The following PPP2R5C variants were observed in gnomAD, a reference collection of about 807,000 sequenced individuals.
PPP2R5C encodes the protein serine/threonine-protein phosphatase 2A 56 kDa regulatory subunit gamma isoform.
A neutral mutation model predicts 68.9 loss-of-function variants in PPP2R5C; 7 were observed. The observed-to-expected ratio is 0.10, with a 90% CI of 0.06 to 0.19. The LOEUF (loss-of-function observed/expected upper bound fraction) is 0.19. Ranked by LOEUF, PPP2R5C falls within the 10% of genes least tolerant of loss-of-function variation. The pLI is 1.00. For synonymous variants in PPP2R5C, 210 were observed against 222.2 expected (o/e 0.95, Z 0.49); for missense variants, 348 against 641.3 (o/e 0.54, Z 4.94).
chr14:101,862,592 C>T (rs1346431744), intron 2 of PPP2R5C, among the ~76,000 whole-genome samples: 1 of 152,142 alleles, frequency 6.6e-6, no homozygotes, highest in Admixed American at 6.5e-5. Context: ...ATAGATACTC[C>T]TCCCTTGTCA....
intron 1 of PPP2R5C, among the ~76,000 whole-genome samples, chr14:101,850,014 C>T (rs1422612049): frequency 1.3e-5 from 2 of 152,204 alleles, no homozygotes; most frequent in African/African-American, 2.4e-5. Context: ...TTCAGTTCCA[C>T]AGAAGTGTGT....
chr14:101,856,912 G>A (rs963643353), intron 2 of PPP2R5C, 27 bp downstream of exon 4: 1 of 1,599,768 alleles, frequency 6.3e-7, no homozygotes. Flanking sequence ...TAACCAGTGT[G>A]TCCCAGTTCT....
intron 1 of PPP2R5C, among the ~76,000 whole-genome samples, chr14:101,762,350 C>T (rs938964981): frequency 5.9e-5 from 9 of 152,084 alleles, no homozygotes; most frequent in East Asian, 1.9e-4. Context: ...TGGGGAGGGA[C>T]CCCTGTACGG....
rs75914491 is a variant in PPP2R5C at position 101,816,307 on chromosome 14, A to C, written c.94+6271A>C. Among the ~76,000 whole-genome samples, 280 of 152,300 alleles carry C rather than the reference A, an allele frequency of 1.8e-3. 1 individual carries two copies. The highest frequency in any genetic ancestry group is 6.4e-3 in the African/African-American group (266 of 41,558). On this transcript the variant is annotated intron_variant, in intron 1 of 13. Transcript: ENST00000334743. ...CGCCAAGTGGTCTAAACGTGGGATA[A>C]ATCATTTCTCTCACTCACATCTTGG...
At position 101,903,584 on chromosome 14, in the gene PPP2R5C, T is replaced by A. The variant is rs920673450; in HGVS notation, c.1023+1695T>A. Among the ~76,000 whole-genome samples the A allele has an allele frequency of 5.9e-5, 9 of 152,344 alleles. No individual in the cohort carries two copies. The South Asian group carries it at 1.7e-3, about 28-fold the overall frequency. ...TCCCCCACGCACGCTTGCGCCCATC[T>A]TGGCTTCTGCTTCTTAGAGGACCTG... On this transcript the variant is annotated intron_variant, in intron 9 of 13. Coordinates refer to ENST00000334743, the Ensembl canonical transcript of PPP2R5C.
intron 1 of PPP2R5C, chr14:101,836,277 C>A (rs1419501224): frequency 1.4e-6 from 1 of 702,834 alleles, no homozygotes; most frequent in Non-Finnish European, 2.6e-6. Context: ...CATGGAGAAC[C>A]CCGCGGCCCC....
At chr14:101,900,696 A>T (rs890354095) in intron 8 of PPP2R5C, among the ~76,000 whole-genome samples, 1 of 152,274 alleles carries the variant, frequency 6.6e-6, no homozygotes, top group Non-Finnish European at 1.5e-5. Context: ...TTTGGAAACT[A>T]CAGGAACATA....
In PPP2R5C at chr14:101,812,429, G is replaced by A. The variant is rs568600858; in HGVS notation, c.94+2393G>A. Among the ~76,000 whole-genome samples, 3 of 152,282 alleles carry A rather than the reference G, an allele frequency of 2.0e-5. No homozygotes were observed. In the South Asian group the frequency reaches 6.2e-4, roughly 32 times the overall value. On this transcript the variant is annotated intron_variant, in intron 1 of 13. Transcript: ENST00000334743. ...GGGGTGGGCATGCGCTGTCCTTCCC[G>A]TTTATTTAGGAAGGAGGGGTCTTTC...
chr14:101,888,213 A>T lies in PPP2R5C; in HGVS notation c.630-2024A>T, dbSNP rs78415260. ...GAGAGGCCCAGATCACAGCTCTCCAAGGTCCATGCGAGAGGAATAGTAAAC... is the reference window on the plus strand; with the variant it reads ...GAGAGGCCCAGATCACAGCTCTCCATGGTCCATGCGAGAGGAATAGTAAAC... On this transcript the variant is annotated intron_variant, in intron 5 of 13. Coordinates refer to ENST00000334743, the Ensembl canonical transcript of PPP2R5C. This position sits in a 1 kb window ranked among gnomAD's most constrained non-coding sequence, Gnocchi z 5.6. 5.2e-3 allele frequency among the ~76,000 whole-genome samples: 793 copies of T among 152,154 alleles called. 7 individuals are homozygous for T. The highest frequency in any genetic ancestry group is 0.019 in the African/African-American group (773 of 41,498).
At chr14:101,760,770 G>A (rs1298629653), upstream of PPP2R5C, 5 of 765,304 alleles carry the variant, frequency 6.5e-6, no homozygotes, top group African/African-American at 3.9e-5. Flanking sequence ...GTCGAGGGGA[G>A]GGGCTGGCCG....
At chr14:101,800,630 G>A (rs1289591121) in intron 3 of PPP2R5C, among the ~76,000 whole-genome samples, 1 of 148,754 alleles carries the variant, frequency 6.7e-6, no homozygotes, top group East Asian at 2.0e-4. Flanking sequence ...TGAAAGTAAT[G>A]TATGCTTGTT....
At chr14:101,914,386 C>T (rs1477517920) in intron 12 of PPP2R5C, 1 of 261,382 alleles carries the variant, frequency 3.8e-6, no homozygotes, top group Non-Finnish European at 7.7e-6. Flanking sequence ...GTACTTGCTT[C>T]TCATTCTCAG....
chr14:101,910,734 G>A lies in PPP2R5C; in HGVS notation c.1253+1044G>A, dbSNP rs568333913. On this transcript the variant is annotated intron_variant, in intron 11 of 13. Coordinates refer to ENST00000334743, the Ensembl canonical transcript of PPP2R5C. ...TGTAATCCCAGCGCTTTGGGAGGCC[G>A]ATGCAGGCAGATCACGAGGTCAGGA... 9.2e-4 allele frequency among the ~76,000 whole-genome samples: 138 copies of A among 149,478 alleles called. 1 individual carries two copies. The highest frequency in any genetic ancestry group is 3.3e-3 in the African/African-American group (134 of 40,514).
intron 3 of PPP2R5C, among the ~76,000 whole-genome samples, chr14:101,787,628 G>C (rs532477624): frequency 6.6e-6 from 1 of 151,990 alleles, no homozygotes; most frequent in Non-Finnish European, 1.5e-5. Context: ...TTAGCCAGGC[G>C]TGGTGGCGGG....
intron 11 of PPP2R5C, among the ~76,000 whole-genome samples, chr14:101,910,205 T>C (rs2040861220): frequency 1.3e-5 from 2 of 152,230 alleles, no homozygotes; most frequent in Non-Finnish European, 2.9e-5. Flanking sequence ...CCAGGGATGA[T>C]CTAAGTGACA....
chr14:101,853,319 C>G (rs1293389141), intron 1 of PPP2R5C, among the ~76,000 whole-genome samples: 1 of 151,516 alleles, frequency 6.6e-6, no homozygotes, highest in Non-Finnish European at 1.5e-5. Context: ...AAAAAAAGAG[C>G]TCATGAGATT....
Position 101,913,503 on chromosome 14 carries a change from G to A in PPP2R5C, c.1326+1030G>A, listed in dbSNP as rs1595544717. Reference sequence around the variant, plus strand: ...ATGACATTTCTAATTGTGAGCCCTTGAGTCCACCTAAAACAGGTAGCCAGC... The same window carrying A: ...ATGACATTTCTAATTGTGAGCCCTTAAGTCCACCTAAAACAGGTAGCCAGC... On this transcript the variant is annotated intron_variant, in intron 12 of 13. Transcript: ENST00000334743. The surrounding 1 kb of genome is among the most constrained non-coding windows in gnomAD (Gnocchi z 4.1). Among the ~76,000 whole-genome samples, 8 of 152,294 alleles carry A rather than the reference G, an allele frequency of 5.3e-5. No homozygotes were observed. In the South Asian group the frequency reaches 1.7e-3, roughly 32 times the overall value.
chr14:101,806,544 A>C (rs1307006676), upstream of PPP2R5C, among the ~76,000 whole-genome samples: 1 of 152,142 alleles, frequency 6.6e-6, no homozygotes, highest in Non-Finnish European at 1.5e-5. Flanking sequence ...AGTCTTTGCT[A>C]TTGTAAATAG....
At chr14:101,921,986 G>T (rs574417045) in intron 13 of PPP2R5C, 150 of 984,936 alleles carry the variant, frequency 1.5e-4, no homozygotes, top group Non-Finnish European at 1.7e-4. Context: ...TTTAACAGTT[G>T]GTCGGGAGAA....
Sources: gnomAD v4.1 joint callset for allele counts (sites outside exome capture counted in the v4.1 genomes callset) on GRCh38, gnomAD v4.1.1 for gene constraint, Gnocchi (gnomAD v3.1) non-coding constraint, MANE v1.5 for transcripts, NCBI Gene and HGNC (gene_info 2026-07-23, HGNC 2026-07-21) for gene names.